Variants in ANKRD13C observed in about 807,000 individuals in gnomAD.
The protein encoded by ANKRD13C is ankyrin repeat domain-containing protein 13C.
Under a neutral mutation model 65.5 loss-of-function variants are expected in ANKRD13C, and 16 were observed. The observed-to-expected ratio is 0.24, with a 90% confidence interval of 0.17 to 0.37. The LOEUF (loss-of-function observed/expected upper bound fraction) is 0.37. ANKRD13C is among the 10% of genes least tolerant of loss of function. ANKRD13C has a pLI of 1.00. For synonymous variants in ANKRD13C, 235 were observed against 238.7 expected, an observed-to-expected ratio of 0.98 and a Z score of 0.14; for missense variants, 503 against 655.9, an observed-to-expected ratio of 0.77 and a Z score of 2.55.
Position 70,277,865 on chromosome 1 carries a change from G to A in ANKRD13C, c.1216-1021C>T, listed in dbSNP as rs983227637. Among the ~76,000 whole-genome samples the A allele has an allele frequency of 2.5e-4, 38 of 152,132 alleles. 1 individual carries two copies. Among genetic ancestry groups the A allele is most frequent in the African/African-American group, 8.4e-4 (35 of 41,506 alleles). On this transcript the variant is annotated intron_variant, in intron 9 of 12. Coordinates refer to ENST00000370944, the MANE Select transcript of ANKRD13C (RefSeq NM_030816.5). ...CACTATAAGATGAACTGGCAATAAGGAACTAAACTCTGGAGCAGAAAAGGA... is the reference window on the plus strand; with the variant it reads ...CACTATAAGATGAACTGGCAATAAGAAACTAAACTCTGGAGCAGAAAAGGA...
intron 3 of ANKRD13C, among the ~76,000 whole-genome samples, chr1:70,323,209 T>C (rs1476754661): frequency 1.3e-5 from 2 of 152,158 alleles, no homozygotes; most frequent in East Asian, 1.9e-4. Flanking sequence ...TTTCTTGCTC[T>C]CATGAGGGTC....
intron 2 of ANKRD13C, among the ~76,000 whole-genome samples, chr1:70,334,264 C>T (rs1265987822): frequency 2.0e-5 from 3 of 151,914 alleles, no homozygotes; most frequent in East Asian, 1.9e-4. Flanking sequence ...AGTTTGAAGC[C>T]GCAGTGAGCT....
At position 70,319,888 on chromosome 1, in the gene ANKRD13C, A is replaced by AG. The variant is rs1681233666; in HGVS notation, c.578-4323_578-4322insC. Among the ~76,000 whole-genome samples the AG allele has an allele frequency of 3.9e-5, 6 of 152,174 alleles. No individual in the cohort carries two copies. In the South Asian group the frequency reaches 1.2e-3, roughly 32 times the overall value. On this transcript the variant is annotated intron_variant, in intron 3 of 12. Transcript: ENST00000370944. ...TCCCTTAAGTAGGATGACTTCCTCA[A>AG]TATCAAAGTTAATGGCACATCCTGA...
chr1:70,296,728 C>T (rs1680095908), intron 7 of ANKRD13C, among the ~76,000 whole-genome samples: 1 of 152,034 alleles, frequency 6.6e-6, no homozygotes, highest in Non-Finnish European at 1.5e-5. Context: ...GCCTTTCTTT[C>T]CCAATAAATT....
At chr1:70,277,829 T>C (rs945244836) in intron 9 of ANKRD13C, among the ~76,000 whole-genome samples, 11 of 152,130 alleles carry the variant, frequency 7.2e-5, no homozygotes, top group African/African-American at 2.4e-4. Flanking sequence ...TTGCTAAATA[T>C]GAATTTCAAT....
intron 2 of ANKRD13C, among the ~76,000 whole-genome samples, chr1:70,329,057 A>G (rs1681670013): frequency 6.6e-6 from 1 of 152,074 alleles, no homozygotes; most frequent in African/African-American, 2.4e-5. Context: ...TACTTCCATG[A>G]AAACAAACAA....
At chr1:70,311,098 C>G (rs191013582) in intron 5 of ANKRD13C, among the ~76,000 whole-genome samples, 99 of 152,230 alleles carry the variant, frequency 6.5e-4, no homozygotes, top group African/African-American at 2.2e-3. Flanking sequence ...ATTAAACACA[C>G]TAGAAAAACC....
At chr1:70,301,789 A>C (rs958868666) in intron 6 of ANKRD13C, among the ~76,000 whole-genome samples, 1 of 152,208 alleles carries the variant, frequency 6.6e-6, no homozygotes, top group African/African-American at 2.4e-5. Context: ...AAATACTGAA[A>C]ATAAAAAGTT....
chr1:70,313,243 T>C (rs955053244), intron 5 of ANKRD13C, among the ~76,000 whole-genome samples: 9 of 152,152 alleles, frequency 5.9e-5, no homozygotes, highest in African/African-American at 2.2e-4. Flanking sequence ...AAATATAAAC[T>C]ATTGGCCAGA....
At chr1:70,277,076 A>G (rs1047725137) in intron 9 of ANKRD13C, among the ~76,000 whole-genome samples, 1 of 152,180 alleles carries the variant, frequency 6.6e-6, no homozygotes, top group African/African-American at 2.4e-5. Context: ...TATCAAAATA[A>G]TAACACCCAT....
At chr1:70,312,327 C>T (rs1375413189) in intron 5 of ANKRD13C, among the ~76,000 whole-genome samples, 1 of 151,044 alleles carries the variant, frequency 6.6e-6, no homozygotes, top group African/African-American at 2.4e-5. Flanking sequence ...ATTTATTGAC[C>T]TCCCATAGAC....
chr1:70,310,925 C>T (rs932729704), intron 5 of ANKRD13C, among the ~76,000 whole-genome samples: 4 of 152,090 alleles, frequency 2.6e-5, no homozygotes, highest in African/African-American at 9.7e-5. Flanking sequence ...TTCTAGGACA[C>T]CAGGACTCCT....
At chr1:70,311,207 T>G (rs947190232) in intron 5 of ANKRD13C, among the ~76,000 whole-genome samples, 2 of 152,104 alleles carry the variant, frequency 1.3e-5, no homozygotes, top group African/African-American at 2.4e-5. Context: ...TGAATAAAAA[T>G]GATGGCTGGG....
At chr1:70,291,493 C>T (rs1679867607) in intron 9 of ANKRD13C, among the ~76,000 whole-genome samples, 1 of 152,120 alleles carries the variant, frequency 6.6e-6, no homozygotes, top group Admixed American at 6.6e-5. Context: ...TCTTTTATTT[C>T]CTAATTTCTC....
chr1:70,305,099 TA>T (rs1441159733), intron 6 of ANKRD13C, among the ~76,000 whole-genome samples: 1 of 151,802 alleles, frequency 6.6e-6, no homozygotes, highest in Non-Finnish European at 1.5e-5. Context: ...CTTTATTATC[TA>T]AAAAAAGAAA....
chr1:70,288,772 A>G (rs1679732613), intron 9 of ANKRD13C, among the ~76,000 whole-genome samples: 1 of 152,198 alleles, frequency 6.6e-6, no homozygotes. Context: ...GTGCCTATAA[A>G]AGAGGTACAT....
intron 5 of ANKRD13C, among the ~76,000 whole-genome samples, chr1:70,309,570 C>A (rs1680749201): frequency 6.7e-6 from 1 of 149,410 alleles, no homozygotes; most frequent in South Asian, 2.1e-4. Context: ...AAAGAAAATA[C>A]AAAAAATTAG....
intron 2 of ANKRD13C, among the ~76,000 whole-genome samples, chr1:70,335,405 C>CAA (rs369800668): frequency 3.1e-4 from 33 of 105,070 alleles, no homozygotes; most frequent in African/African-American, 1.0e-3. Flanking sequence ...GACTCTGCCT[C>CAA]AAAAAAAAAA....
At chr1:70,334,470 T>C (rs1487610848) in intron 2 of ANKRD13C, among the ~76,000 whole-genome samples, 1 of 151,816 alleles carries the variant, frequency 6.6e-6, no homozygotes, top group African/African-American at 2.4e-5. Flanking sequence ...CTACATAAAA[T>C]GAAAAAATTA....
Sources: gnomAD v4.1 joint callset for allele counts (sites outside exome capture counted in the v4.1 genomes callset) on GRCh38, gnomAD v4.1.1 for gene constraint, MANE v1.5 for transcripts, NCBI Gene and HGNC (gene_info 2026-07-23, HGNC 2026-07-21) for gene names.